Variants in CLCN5 observed in about 807,000 individuals in gnomAD.
The protein encoded by CLCN5 is H(+)/Cl(-) exchange transporter 5.
Under a neutral mutation model 54.0 loss-of-function variants are expected in CLCN5, and 17 were observed. That is an observed-to-expected ratio of 0.31 (90% confidence interval 0.22 to 0.47). CLCN5 has a LOEUF of 0.47. CLCN5 is among the 20% of genes least tolerant of loss of function. The pLI is 1.00. For missense variants in CLCN5, 448 were observed against 646.7 expected (o/e 0.69, Z 3.33); for synonymous variants, 222 against 233.0 (o/e 0.95, Z 0.43).
intron 3 of CLCN5, among the ~76,000 whole-genome samples, chrX:50,015,067 G>T (rs1285729590): frequency 9.0e-6 from 1 of 111,187 alleles, no homozygotes; most frequent in South Asian, 3.9e-4. Flanking sequence ...TGGACTGAGT[G>T]CATATATGTC....
chrX:49,984,158 G>C (rs1160490293), intron 3 of CLCN5, among the ~76,000 whole-genome samples: 1 of 111,456 alleles, frequency 9.0e-6, no homozygotes, highest in African/African-American at 3.3e-5. Context: ...AACAAATGTT[G>C]AATTTTTAGA....
chrX:50,002,486 T>G (rs1557180511), intron 3 of CLCN5, among the ~76,000 whole-genome samples: 1 of 112,092 alleles, frequency 8.9e-6, no homozygotes, highest in East Asian at 2.8e-4. Flanking sequence ...CAAACTGCTG[T>G]CAAATCTTGT....
chrX:49,971,803 G>A (rs1928227175), intron 3 of CLCN5, among the ~76,000 whole-genome samples: 1 of 111,908 alleles, frequency 8.9e-6, no homozygotes, highest in African/African-American at 3.3e-5. Flanking sequence ...AGATTTTGTT[G>A]AATGTATGTT....
At chrX:49,995,166 T>C (rs1557179486) in intron 3 of CLCN5, among the ~76,000 whole-genome samples, 1 of 111,495 alleles carries the variant, frequency 9.0e-6, no homozygotes, top group African/African-American at 3.3e-5. Flanking sequence ...AGGTGGGTGG[T>C]TGGGCAGAAC....
At chrX:49,980,871 T>C (rs1192621658) in intron 3 of CLCN5, among the ~76,000 whole-genome samples, 22 of 111,828 alleles carry the variant, frequency 2.0e-4, no homozygotes, top group African/African-American at 7.1e-4. Flanking sequence ...GGGAAAGTAG[T>C]ATTAACCATA....
intron 5 of CLCN5, among the ~76,000 whole-genome samples, chrX:50,071,263 C>T (rs781964181): frequency 6.3e-5 from 7 of 111,514 alleles, no homozygotes; most frequent in African/African-American, 1.9e-4. Context: ...GTGATTCCAC[C>T]GAGTTTTCTT....
In CLCN5 at chrX:50,075,880, C is replaced by T. The variant is rs1933381157; in HGVS notation, c.501C>T (p.Asn167=). ...EGICTGGFWF[N]HEHCCWNSEH... is the part of the protein sequence containing the mutation. ...TATGCACAGGGGGATTCTGGTTTAACCATGAACATTGTTGCTGGAACTCTG... is the reference window on the plus strand; with the variant it reads ...TATGCACAGGGGGATTCTGGTTTAATCATGAACATTGTTGCTGGAACTCTG... The change falls in exon 7 of 15, where the codon AAC becomes AAT. Residue 167 remains asparagine, a synonymous_variant. Coordinates refer to ENST00000376091, the MANE Select transcript of CLCN5 (RefSeq NM_001127898.4). The T allele has an allele frequency of 8.3e-7, 1 of 1,209,920 alleles. No individual in the cohort carries two copies. Among genetic ancestry groups the T allele is most frequent in the East Asian group, 3.0e-5 (1 of 33,840 alleles).
At chrX:49,993,980 T>C (rs1467938662) in intron 3 of CLCN5, among the ~76,000 whole-genome samples, 2 of 111,016 alleles carry the variant, frequency 1.8e-5, no homozygotes, top group Non-Finnish European at 3.8e-5. Context: ...GGATAGAAAG[T>C]AAAGGAATAA....
At chrX:49,954,629 G>A (rs782532604) in intron 3 of CLCN5, among the ~76,000 whole-genome samples, 1 of 110,989 alleles carries the variant, frequency 9.0e-6, no homozygotes. Context: ...TGGGAGAAGT[G>A]TATGGATGGA....
At chrX:50,066,134 C>A (rs1557190788) in intron 4 of CLCN5, among the ~76,000 whole-genome samples, 3 of 88,800 alleles carry the variant, frequency 3.4e-5, no homozygotes, top group Admixed American at 1.4e-4. Context: ...GCACATTGTG[C>A]ACATGTACCC....
chrX:50,072,402 T>C, intron 5 of CLCN5, 87 bp from the exon 6 acceptor site: 1 of 670,812 alleles, frequency 1.5e-6, no homozygotes, highest in Non-Finnish European at 2.5e-6. Context: ...TCTCCAGTGA[T>C]TTGTCTTTGT....
At chrX:49,986,140 T>C (rs1557178261) in intron 3 of CLCN5, among the ~76,000 whole-genome samples, 2 of 111,462 alleles carry the variant, frequency 1.8e-5, no homozygotes, top group Admixed American at 1.9e-4. Context: ...TGTTAGGCCG[T>C]CCATCTTATT....
intron 3 of CLCN5, among the ~76,000 whole-genome samples, chrX:49,967,391 G>A (rs1927974170): frequency 1.4e-5 from 1 of 71,616 alleles, no homozygotes; most frequent in African/African-American, 1.0e-4. Flanking sequence ...TTCTTCATGT[G>A]TTTTTTGGCT....
At chrX:49,928,992 A>G (rs1303985654) in intron 3 of CLCN5, among the ~76,000 whole-genome samples, 1 of 112,143 alleles carries the variant, frequency 8.9e-6, no homozygotes, top group African/African-American at 3.2e-5. Flanking sequence ...TCAAACAGGT[A>G]GTAGTTGATC....
chrX:49,951,491 C>A (rs781870529), intron 3 of CLCN5, among the ~76,000 whole-genome samples: 5 of 111,999 alleles, frequency 4.5e-5, no homozygotes, highest in Non-Finnish European at 9.4e-5. Context: ...GATACTGTGG[C>A]TCATATAAAA....
At chrX:50,069,723 A>G in intron 4 of CLCN5, 156 bp from the exon 5 acceptor site, 1 of 1,055,338 alleles carries the variant, frequency 9.5e-7, no homozygotes, top group Non-Finnish European at 1.2e-6. Flanking sequence ...AAACCTCTGA[A>G]TGTAATGGAT....
At chrX:49,964,514 T>C (rs1350998626) in intron 3 of CLCN5, among the ~76,000 whole-genome samples, 2 of 110,935 alleles carry the variant, frequency 1.8e-5, no homozygotes, top group Admixed American at 1.9e-4. Flanking sequence ...GGCTATTAAG[T>C]TGTGATGTTA....
chrX:50,038,653 T>TC (rs1557186788), intron 3 of CLCN5, among the ~76,000 whole-genome samples: 1 of 112,137 alleles, frequency 8.9e-6, no homozygotes, highest in Non-Finnish European at 1.9e-5. Flanking sequence ...ATATGGGTAT[T>TC]CCTTCCAGCA....
At chrX:50,029,218 T>C (rs1931566457) in intron 3 of CLCN5, among the ~76,000 whole-genome samples, 1 of 111,373 alleles carries the variant, frequency 9.0e-6, no homozygotes, top group Non-Finnish European at 1.9e-5. Context: ...TTGTTACATA[T>C]GTATACATGT....
Sources: gnomAD v4.1 joint callset for allele counts (sites outside exome capture counted in the v4.1 genomes callset) on GRCh38, gnomAD v4.1.1 for gene constraint, MANE v1.5 for transcripts, NCBI Gene and HGNC (gene_info 2026-07-23, HGNC 2026-07-21) for gene names.